RALGAPA2: variants seen among roughly 807,000 people sequenced by gnomAD.
RALGAPA2 encodes ral GTPase-activating protein subunit alpha-2.
In RALGAPA2, 139 loss-of-function variants were observed where a neutral mutation model predicts 230.4. That is an observed-to-expected ratio of 0.60 (90% CI 0.53 to 0.69). The LOEUF (loss-of-function observed/expected upper bound fraction) is 0.69. RALGAPA2 is among the 30% of genes least tolerant of loss of function. RALGAPA2 has a pLI of 0.00. For synonymous variants in RALGAPA2, 847 were observed against 837.8 expected, an observed-to-expected ratio of 1.01 and a Z score of -0.19; for missense variants, 2,163 against 2,276.0, an observed-to-expected ratio of 0.95 and a Z score of 1.01.
In RALGAPA2 at chr20:20,629,566, C is replaced by A. The variant is rs367915317; in HGVS notation, c.1030G>T (p.Glu344Ter). 1.9e-6 allele frequency: 3 copies of A among 1,613,522 alleles called. No homozygotes were observed. The highest frequency in any genetic ancestry group is 1.7e-6 in the Non-Finnish European group (2 of 1,179,894). ...IQTVGGGAVQERAPELDGGGP... is the reference protein window; with the variant it reads ...IQTVGGGAVQ Reference sequence around the variant, plus strand: ...CCACCATCCAGCTCAGGCGCTCTCTCCTGCACAGCACCACCACCAACAGTC... The same window carrying A: ...CCACCATCCAGCTCAGGCGCTCTCTACTGCACAGCACCACCACCAACAGTC... The change falls in exon 10 of 40, where the codon GAG becomes TAG. Residue 344 changes from glutamate (E) to a stop codon, truncating the protein, a stop_gained. Transcript: ENST00000202677. LOFTEE classifies it high-confidence loss of function.
In RALGAPA2 at chr20:20,449,632, G is replaced by C. The variant is rs550581365; in HGVS notation, c.5495+23197C>G. 3.3e-5 allele frequency among the ~76,000 whole-genome samples: 5 copies of C among 151,964 alleles called. No individual in the cohort carries two copies. The East Asian group carries it at 9.7e-4, about 29-fold the overall frequency. On this transcript the variant is annotated intron_variant, in intron 37 of 39. Transcript: ENST00000202677. The stretch of plus-strand genomic sequence containing the variant: ...TTAATTCTTCACTTTTTCAGCTATT[G>C]TTAAGCCCTTAACTTTTTTTTTTCC...
chr20:20,646,915 T>G (rs2067235677), intron 4 of RALGAPA2, among the ~76,000 whole-genome samples: 1 of 151,816 alleles, frequency 6.6e-6, no homozygotes, highest in Admixed American at 6.6e-5. Context: ...TTTTTTCTCG[T>G]GCAGAACATT....
At chr20:20,585,049 C>T (rs1319990086) in intron 18 of RALGAPA2, 94 bp from the exon 19 acceptor site, 1 of 641,160 alleles carries the variant, frequency 1.6e-6, no homozygotes, top group Admixed American at 3.0e-5. Context: ...GAAAAAGAAA[C>T]AAATAATAAT....
In RALGAPA2 at chr20:20,392,211, A is replaced by T. The variant is rs1486565155; in HGVS notation, c.*1078T>A. 6.6e-6 allele frequency: 1 copy of T among 152,270 alleles called. No individual in the cohort carries two copies. The highest frequency in any genetic ancestry group is 1.9e-4 in the East Asian group (1 of 5,196). The allele number at this position is 152,270 out of a possible 1,614,324, so 9.4% of individuals were successfully genotyped here. ...GAAAAAAAAACAACAACAACAAAAA[A>T]ACAGGTCTAATAAGCCTTCCTTGGA... is the stretch of plus-strand genomic sequence containing the variant. On this transcript the variant is annotated 3_prime_UTR_variant, in exon 40 of 40. Coordinates refer to ENST00000202677, the MANE Select transcript of RALGAPA2 (RefSeq NM_020343.4).
chr20:20,657,021 A>C (rs1229432382), intron 3 of RALGAPA2, among the ~76,000 whole-genome samples: 1 of 152,214 alleles, frequency 6.6e-6, no homozygotes, highest in Non-Finnish European at 1.5e-5. Context: ...ACTTTCTCTT[A>C]ACAGAAAAAT....
chr20:20,555,846 T>A (rs6046932), intron 23 of RALGAPA2, among the ~76,000 whole-genome samples: 1 of 152,124 alleles, frequency 6.6e-6, no homozygotes, highest in Non-Finnish European at 1.5e-5. Context: ...AGATCATATA[T>A]TTGTCAATAT....
chr20:20,469,155 T>C (rs560824743), intron 37 of RALGAPA2, among the ~76,000 whole-genome samples: 3 of 152,314 alleles, frequency 2.0e-5, no homozygotes, highest in Middle Eastern at 3.4e-3. Flanking sequence ...GCAGGGGCAC[T>C]GTAAATGTTG....
chr20:20,580,136 TG>T (rs2064943619), intron 20 of RALGAPA2, among the ~76,000 whole-genome samples: 1 of 152,166 alleles, frequency 6.6e-6, no homozygotes, highest in South Asian at 2.1e-4. Context: ...ATGAGGTAAA[TG>T]ACAATACTGA....
intron 26 of RALGAPA2, among the ~76,000 whole-genome samples, chr20:20,533,989 C>G (rs1258892830): frequency 6.6e-6 from 1 of 151,796 alleles, no homozygotes; most frequent in Non-Finnish European, 1.5e-5. Context: ...CAAATAAAAG[C>G]AAATATAAAA....
chr20:20,399,668 G>T (rs1280085496), intron 38 of RALGAPA2, among the ~76,000 whole-genome samples: 4 of 152,260 alleles, frequency 2.6e-5, no homozygotes, highest in African/African-American at 4.8e-5. Flanking sequence ...AGCAGCACAG[G>T]AAACAAGAGG....
chr20:20,527,679 C>T (rs1373430729), intron 27 of RALGAPA2, among the ~76,000 whole-genome samples: 1 of 152,060 alleles, frequency 6.6e-6, no homozygotes, highest in Non-Finnish European at 1.5e-5. Flanking sequence ...AGATCTCCTT[C>T]ACAGCATTAC....
At position 20,472,741 on chromosome 20, in the gene RALGAPA2, G is replaced by A. The variant is rs768613280; in HGVS notation, c.5495+88C>T. 3.0e-4 allele frequency: 437 copies of A among 1,452,402 alleles called. 1 individual carries two copies. Among genetic ancestry groups the A allele is most frequent in the Middle Eastern group, 1.8e-4 (1 of 5,502 alleles). 90.0% of individuals were successfully genotyped at this position (1,452,402 alleles called of 1,614,324 possible). A position where few individuals can be genotyped will look rare whatever the true frequency, so the allele number is the denominator to read the frequency against. ...AAAATTCTCTTCCCTCTTCAATTCA[G>A]TTTTGAATACTTACCTCTTATGAAA... is the stretch of plus-strand genomic sequence containing the variant. On this transcript the variant is annotated intron_variant, in intron 37 of 39. Transcript: ENST00000202677.
chr20:20,652,650 G>A (rs891087231), intron 4 of RALGAPA2, among the ~76,000 whole-genome samples: 11 of 152,168 alleles, frequency 7.2e-5, no homozygotes, highest in African/African-American at 2.4e-4. Context: ...TGTAGGACAT[G>A]CTAGACTCTT....
At position 20,418,359 on chromosome 20, in the gene RALGAPA2, G is replaced by T. The variant is rs77826041; in HGVS notation, c.5496-6211C>A. 4.2e-3 allele frequency among the ~76,000 whole-genome samples: 638 copies of T among 152,276 alleles called. 3 individuals carry two copies. The highest frequency in any genetic ancestry group is 0.015 in the African/African-American group (607 of 41,562). ...TGTAATAATGCCAAATGTCAGACAG[G>T]ACATGGGTCACAGGAGCCCCAAGAA... On this transcript the variant is annotated intron_variant, in intron 37 of 39. Transcript: ENST00000202677.
chr20:20,547,717 G>A (rs1315830010), intron 23 of RALGAPA2, among the ~76,000 whole-genome samples: 2 of 152,158 alleles, frequency 1.3e-5, no homozygotes, highest in Non-Finnish European at 2.9e-5. Flanking sequence ...TGTTGGCCAT[G>A]TACATTAATC....
At chr20:20,465,019 C>T (rs1406019840) in intron 37 of RALGAPA2, among the ~76,000 whole-genome samples, 1 of 152,016 alleles carries the variant, frequency 6.6e-6, no homozygotes, top group Non-Finnish European at 1.5e-5. Context: ...CTATATTTCA[C>T]CTTAGGCAAT....
chr20:20,597,830 T>A (rs975680531), intron 16 of RALGAPA2, among the ~76,000 whole-genome samples: 3 of 151,822 alleles, frequency 2.0e-5, no homozygotes, highest in Non-Finnish European at 2.9e-5. Flanking sequence ...CAGAGAGAGA[T>A]TCTGTCTCAA....
chr20:20,588,591 T>G (rs2065198640), intron 18 of RALGAPA2, among the ~76,000 whole-genome samples: 1 of 152,112 alleles, frequency 6.6e-6, no homozygotes, highest in Non-Finnish European at 1.5e-5. Context: ...ATTTCATTGC[T>G]GAAAACAGAA....
At chr20:20,688,628 C>G (rs762829944) in intron 1 of RALGAPA2, among the ~76,000 whole-genome samples, 10 of 152,158 alleles carry the variant, frequency 6.6e-5, no homozygotes, top group Admixed American at 2.0e-4. Context: ...GCTCTTAGAT[C>G]CCCTCCTACT....
Sources: allele counts gnomAD v4.1 joint callset (sites outside exome capture counted in the v4.1 genomes callset), GRCh38; gene constraint gnomAD v4.1.1; transcripts MANE v1.5; gene names NCBI Gene and HGNC (gene_info 2026-07-23, HGNC 2026-07-21).